Variants in EXT2 observed in about 807,000 individuals in gnomAD.
The protein encoded by EXT2 is exostosin-2.
In EXT2, 53 loss-of-function variants were observed where a neutral mutation model predicts 81.6. The observed-to-expected ratio is 0.65, with a 90% confidence interval of 0.52 to 0.82. EXT2 has a LOEUF of 0.82. Ranked by LOEUF, EXT2 falls within the 40% of genes least tolerant of loss-of-function variation. The pLI is 0.00. For synonymous variants in EXT2, 320 were observed against 340.0 expected, an observed-to-expected ratio of 0.94 and a Z score of 0.65; for missense variants, 774 against 910.2, an observed-to-expected ratio of 0.85 and a Z score of 1.93.
intron 4 of EXT2, among the ~76,000 whole-genome samples, chr11:44,121,651 G>T (rs1261551138): frequency 7.1e-6 from 1 of 140,932 alleles, no homozygotes; most frequent in Non-Finnish European, 1.5e-5. Context: ...ACATTGTGCT[G>T]CCCTGCACCC....
At chr11:44,111,811 C>CAGA (rs1954147768) in intron 3 of EXT2, among the ~76,000 whole-genome samples, 1 of 152,174 alleles carries the variant, frequency 6.6e-6, no homozygotes, top group Admixed American at 6.5e-5. Flanking sequence ...ACATCAGATC[C>CAGA]TTGCATCTGT....
In EXT2 at chr11:44,109,288, G is replaced by A; in HGVS notation, c.626+5G>A. On this transcript the variant is annotated splice_donor_5th_base_variant and intron_variant, in intron 3 of 13. Transcript: ENST00000533608. ...CCTGGATGTCCCCAGAGACAGGTAG[G>A]AGGCATATTTGGGGCTGTCCTTATG... 6.2e-7 allele frequency: 1 copy of A among 1,613,670 alleles called. No homozygotes were observed. The highest frequency in any genetic ancestry group is 8.5e-7 in the Non-Finnish European group (1 of 1,179,614).
intron 13 of EXT2, among the ~76,000 whole-genome samples, chr11:44,241,431 A>G (rs1161710020): frequency 6.6e-6 from 1 of 152,170 alleles, no homozygotes; most frequent in Non-Finnish European, 1.5e-5. Context: ...ATATCTGTCA[A>G]ATTACAATGT....
chr11:44,199,806 G>A (rs956315655), intron 9 of EXT2, among the ~76,000 whole-genome samples: 4 of 152,170 alleles, frequency 2.6e-5, no homozygotes, highest in Non-Finnish European at 5.9e-5. Context: ...GGAGTTGGGT[G>A]TTCAGTTTTA....
chr11:44,137,353 G>A (rs1357833906), intron 7 of EXT2, among the ~76,000 whole-genome samples: 1 of 152,194 alleles, frequency 6.6e-6, no homozygotes, highest in African/African-American at 2.4e-5. Flanking sequence ...AGTCCAGATG[G>A]AGAGACCATA....
At chr11:44,161,758 C>T (rs779691154) in intron 7 of EXT2, among the ~76,000 whole-genome samples, 7 of 152,046 alleles carry the variant, frequency 4.6e-5, no homozygotes, top group African/African-American at 7.2e-5. Flanking sequence ...GCAAGGTTAA[C>T]GTTACTTTTA....
intron 7 of EXT2, among the ~76,000 whole-genome samples, chr11:44,167,144 T>G (rs908279000): frequency 2.0e-5 from 3 of 152,156 alleles, no homozygotes; most frequent in African/African-American, 7.2e-5. Context: ...CCTACAGGAC[T>G]TAGAGGTTGG....
intron 3 of EXT2, among the ~76,000 whole-genome samples, chr11:44,109,915 T>C (rs565735817): frequency 5.9e-5 from 9 of 152,226 alleles, no homozygotes; most frequent in African/African-American, 2.2e-4. Context: ...GACTGAAAGA[T>C]TTTGGTATGA....
chr11:44,208,235 C>T (rs1955606855), intron 10 of EXT2, among the ~76,000 whole-genome samples: 1 of 151,150 alleles, frequency 6.6e-6, no homozygotes, highest in African/African-American at 2.4e-5. Context: ...CTCTTCATTG[C>T]ATGTAATGGC....
chr11:44,213,861 TAC>T (rs1955682113), intron 10 of EXT2, among the ~76,000 whole-genome samples: 2 of 152,330 alleles, frequency 1.3e-5, no homozygotes, highest in East Asian at 1.9e-4. Context: ...GACATAAATG[TAC>T]AGACTCAAGA....
At chr11:44,205,974 T>C (rs1955577818) in intron 9 of EXT2, among the ~76,000 whole-genome samples, 1 of 152,216 alleles carries the variant, frequency 6.6e-6, no homozygotes, top group Non-Finnish European at 1.5e-5. Flanking sequence ...GTGGTTAAAT[T>C]ACCCAGTTAT....
chr11:44,237,404 T>A (rs1043725807), intron 13 of EXT2, among the ~76,000 whole-genome samples: 6 of 152,160 alleles, frequency 3.9e-5, no homozygotes, highest in African/African-American at 7.2e-5. Flanking sequence ...CAGCTGTTGA[T>A]GTGAAATAAT....
chr11:44,129,807 G>A (rs2135028162), intron 6 of EXT2, among the ~76,000 whole-genome samples: 1 of 152,134 alleles, frequency 6.6e-6, no homozygotes, highest in East Asian at 1.9e-4. Context: ...GTGGAGGCAG[G>A]GTGAAAGATT....
chr11:44,196,998 C>T (rs1955462963), intron 8 of EXT2, among the ~76,000 whole-genome samples: 1 of 152,122 alleles, frequency 6.6e-6, no homozygotes, highest in Non-Finnish European at 1.5e-5. Flanking sequence ...GTTGGGGTGC[C>T]GAGCTAACCA....
At chr11:44,148,360 C>T (rs1954749128) in intron 7 of EXT2, among the ~76,000 whole-genome samples, 1 of 152,118 alleles carries the variant, frequency 6.6e-6, no homozygotes. Flanking sequence ...TTAAATTAGC[C>T]AAGAGCACAT....
chr11:44,185,617 A>G (rs1234666579), intron 8 of EXT2, among the ~76,000 whole-genome samples: 1 of 152,136 alleles, frequency 6.6e-6, no homozygotes, highest in Admixed American at 6.5e-5. Context: ...AAATCACTTT[A>G]TTGTGGAGTC....
chr11:44,124,567 GAT>G (rs1257473392), intron 4 of EXT2, among the ~76,000 whole-genome samples: 2 of 151,768 alleles, frequency 1.3e-5, no homozygotes, highest in Non-Finnish European at 2.9e-5. Flanking sequence ...GATGTGTTAT[GAT>G]TGCATAATAT....
chr11:44,243,847 G>A (rs1391768680), intron 13 of EXT2, among the ~76,000 whole-genome samples: 1 of 151,856 alleles, frequency 6.6e-6, no homozygotes, highest in African/African-American at 2.4e-5. Flanking sequence ...AATTTGAGGG[G>A]GAGGGGAAAA....
At chr11:44,217,302 G>A (rs769836284) in intron 10 of EXT2, among the ~76,000 whole-genome samples, 3 of 152,170 alleles carry the variant, frequency 2.0e-5, no homozygotes, top group Non-Finnish European at 4.4e-5. Flanking sequence ...TTTTCTTCCA[G>A]TGTCTGTGAC....
Sources: allele counts gnomAD v4.1 joint callset (sites outside exome capture counted in the v4.1 genomes callset), GRCh38; gene constraint gnomAD v4.1.1; transcripts MANE v1.5; gene names NCBI Gene and HGNC (gene_info 2026-07-23, HGNC 2026-07-21).